The following FAM110B variants were observed in gnomAD, a reference collection of about 807,000 sequenced individuals.
FAM110B encodes the protein family with sequence similarity 110 member B.
In FAM110B, 6 loss-of-function variants were observed where a neutral mutation model predicts 20.4. The ratio of observed to expected loss-of-function variants is 0.29; its 90% CI spans 0.16 to 0.58. FAM110B has a LOEUF of 0.58. Among genes scored for constraint, FAM110B ranks in the 20% least tolerant of loss-of-function variants. The probability of loss-of-function intolerance (pLI) is 0.90; values close to 1 mark genes in which losing one functional copy is unlikely to be tolerated. For missense variants in FAM110B, 434 were observed against 498.2 expected (o/e 0.87, Z 1.23); for synonymous variants, 226 against 214.1 (o/e 1.06, Z -0.49).
chr8:58,041,320 C>G (rs72621433), intron 2 of FAM110B, among the ~76,000 whole-genome samples: 1 of 152,068 alleles, frequency 6.6e-6, no homozygotes, highest in Non-Finnish European at 1.5e-5. Context: ...TCGCAGTGTT[C>G]GTTCCAGCAA....
intron 2 of FAM110B, among the ~76,000 whole-genome samples, chr8:58,048,373 C>T (rs555086546): frequency 6.6e-6 from 1 of 152,196 alleles, no homozygotes; most frequent in African/African-American, 2.4e-5. Flanking sequence ...TGATACCTGA[C>T]ACCTTTGCCT....
Position 58,146,516 on chromosome 8 carries a change from C to G in FAM110B, c.286C>G (p.Pro96Ala), listed in dbSNP as rs1168841229. 1 of 1,613,880 alleles carries G rather than the reference C, an allele frequency of 6.2e-7. No individual in the cohort carries two copies. Among genetic ancestry groups the G allele is most frequent in the East Asian group, 2.2e-5 (1 of 44,860 alleles). The change falls in exon 4 of 4, where the codon CCC (proline) becomes GCC (alanine). Residue 96 changes from proline (P) to alanine (A), a missense_variant. Physicochemically the swap from Pro to Ala is conservative, Grantham distance 27 (BLOSUM62 -1). Around this residue, in one of 3 missense-constraint regions of FAM110B, gnomAD observed 284 missense variants for 278.3 expected, o/e 1.02. Transcript: ENST00000519262. ...GGCTGCCAAGCGCGCACTGGGCAGC[C>G]CCACGCTCAAAGTGTTCGGCAACCA... The part of the protein sequence containing the change: ...CPAAKRALGS[P>A]TLKVFGNHAK...
intron 3 of FAM110B, among the ~76,000 whole-genome samples, chr8:58,085,642 A>C (rs1026203570): frequency 6.6e-6 from 1 of 152,224 alleles, no homozygotes; most frequent in African/African-American, 2.4e-5. Flanking sequence ...TTAGAGTATA[A>C]GGAATGCTGG....
chr8:58,035,306 A>G (rs376824028), intron 2 of FAM110B, among the ~76,000 whole-genome samples: 83 of 152,342 alleles, frequency 5.4e-4, no homozygotes, highest in African/African-American at 2.0e-3. Context: ...ATCTATTAAC[A>G]TTTGACCCTG....
chr8:58,092,776 C>T (rs190174062), intron 3 of FAM110B, among the ~76,000 whole-genome samples: 11 of 152,204 alleles, frequency 7.2e-5, no homozygotes, highest in Admixed American at 1.3e-4. Flanking sequence ...ATGGGATTGC[C>T]GGGTCAGATG....
At chr8:58,099,230 G>T (rs1379656188) in intron 3 of FAM110B, 3 of 152,026 alleles carry the variant, frequency 2.0e-5, no homozygotes, top group African/African-American at 7.2e-5. Context: ...AATGAATGCA[G>T]GTTGAGCATC....
intron 3 of FAM110B, among the ~76,000 whole-genome samples, chr8:58,121,167 G>A (rs183047902): frequency 1.6e-4 from 24 of 152,292 alleles, no homozygotes; most frequent in African/African-American, 5.5e-4. Flanking sequence ...GATGCTGTGT[G>A]GCTGCTAGGT....
chr8:58,044,836 CAG>C (rs1360156108), intron 2 of FAM110B, among the ~76,000 whole-genome samples: 1 of 152,072 alleles, frequency 6.6e-6, no homozygotes, highest in Non-Finnish European at 1.5e-5. Flanking sequence ...TTTTATGAGA[CAG>C]GGGCAGAATA....
chr8:58,013,586 A>T (rs7813490), intron 1 of FAM110B, among the ~76,000 whole-genome samples: 26,525 of 152,090 alleles, frequency 0.17, 4,683 homozygotes, highest in African/African-American at 0.45. Context: ...TGGGCTGCCA[A>T]ATAAAGTGGG....
rs1465486824 is a variant in FAM110B at position 58,146,647 on chromosome 8, C to T, written c.417C>T (p.His139=). 6.2e-7 allele frequency: 1 copy of T among 1,613,248 alleles called. No homozygotes were observed. The highest frequency in any genetic ancestry group is 2.2e-5 in the East Asian group (1 of 44,874). The change falls in exon 4 of 4, where the codon CAC becomes CAT. Residue 139 remains histidine (H), a synonymous_variant. Transcript: ENST00000519262. ...CTAGCTCGGGCTCGGGGCACAAGCACAGCTCCCGCAACTGGCCGCCCCACC... is the reference window on the plus strand; with the variant it reads ...CTAGCTCGGGCTCGGGGCACAAGCATAGCTCCCGCAACTGGCCGCCCCACC... ...EGSSSGSGHK[H]SSRNWPPHRS...
chr8:58,096,386 C>A (rs1806628841), intron 3 of FAM110B, among the ~76,000 whole-genome samples: 3 of 152,092 alleles, frequency 2.0e-5, no homozygotes, highest in Admixed American at 6.5e-5. Context: ...ATGTGTTGGC[C>A]AGGCTGGTCT....
intron 1 of FAM110B, among the ~76,000 whole-genome samples, chr8:58,024,432 A>G (rs1341915578): frequency 6.6e-6 from 1 of 152,142 alleles, no homozygotes; most frequent in Non-Finnish European, 1.5e-5. Flanking sequence ...CATAACCAAA[A>G]AGGGAGATAG....
rs377258015 is a variant in FAM110B at position 58,148,166 on chromosome 8, GT to G, written c.*843del. 973 of 95,392 alleles carry G rather than the reference GT, an allele frequency of 0.01. 7 individuals carry two copies. Among genetic ancestry groups the G allele is most frequent in the African/African-American group, 0.04 (863 of 21,372 alleles). 5.9% of individuals were successfully genotyped at this position (95,392 alleles called of 1,614,324 possible). A position where few individuals can be genotyped will look rare whatever the true frequency, so the allele number is the denominator to read the frequency against. On this transcript the variant is annotated 3_prime_UTR_variant, in exon 4 of 4. Transcript: ENST00000519262. ...AAAAAAAAAAAAGTTGTGGTTTTTT[GT>G]TTTTTTTTTTTTTTTTTTTGGTCGA...
intron 1 of FAM110B, among the ~76,000 whole-genome samples, chr8:58,016,128 G>T (rs1804632442): frequency 6.6e-6 from 1 of 152,178 alleles, no homozygotes; most frequent in Non-Finnish European, 1.5e-5. Flanking sequence ...GATTTGGCCA[G>T]AGGGAACTGG....
intron 3 of FAM110B, among the ~76,000 whole-genome samples, chr8:58,124,944 A>AT (rs901809877): frequency 6.6e-6 from 1 of 152,160 alleles, no homozygotes; most frequent in Non-Finnish European, 1.5e-5. Context: ...TTTGGTGCTG[A>AT]TTTTTTTAAA....
chr8:58,117,380 T>G (rs1267955333), intron 3 of FAM110B, among the ~76,000 whole-genome samples: 4 of 152,186 alleles, frequency 2.6e-5, no homozygotes, highest in Admixed American at 1.3e-4. Context: ...AACCTCAGCT[T>G]TGATACATAA....
At position 58,147,848 on chromosome 8, in the gene FAM110B, AGTG is replaced by A. The variant is rs2150648513; in HGVS notation, c.*509_*511del. On this transcript the variant is annotated 3_prime_UTR_variant, in exon 4 of 4. Transcript: ENST00000519262. ...CCAGGCTGGGTTTTCTGTGGAATAAAGTGGTGAGCCTGACGTTAATCGTTTACA... is the reference window on the plus strand; with the variant it reads ...CCAGGCTGGGTTTTCTGTGGAATAAAGTGAGCCTGACGTTAATCGTTTACA... The A allele has an allele frequency of 5.8e-6, 1 of 172,868 alleles. No homozygotes were observed. The highest frequency in any genetic ancestry group is 1.4e-5 in the Non-Finnish European group (1 of 71,540). The allele number at this position is 172,868 out of a possible 1,614,324, so 10.7% of individuals were successfully genotyped here.
chr8:58,098,887 G>A (rs1390829385), intron 3 of FAM110B: 1 of 152,276 alleles, frequency 6.6e-6, no homozygotes, highest in East Asian at 1.9e-4. Flanking sequence ...AATGAGATGA[G>A]CTAGGTACCT....
rs142543315 is a variant in FAM110B at position 58,109,120 on chromosome 8, T to C, written c.-325+33497T>C. Among the ~76,000 whole-genome samples the C allele has an allele frequency of 1.8e-4, 28 of 152,346 alleles. 1 individual carries two copies. The East Asian group carries it at 3.3e-3, about 18-fold the overall frequency. The stretch of plus-strand genomic sequence containing the variant: ...TGTGTCAGTCTGCCGACTTCATTTC[T>C]GTCTTCCACACTAGACTAGGAACTC... On this transcript the variant is annotated intron_variant, in intron 3 of 3. Transcript: ENST00000519262.
Sources: gnomAD v4.1 joint callset for allele counts (sites outside exome capture counted in the v4.1 genomes callset) on GRCh38, gnomAD v4.1.1 for gene constraint, gnomAD v4.1.1 regional missense constraint, MANE v1.5 for transcripts, NCBI Gene and HGNC (gene_info 2026-07-23, HGNC 2026-07-21) for gene names.